Variants in TEKT3 observed in about 807,000 individuals in gnomAD.
TEKT3 encodes tektin-3.
A neutral mutation model predicts 49.8 loss-of-function variants in TEKT3; 49 were observed. The ratio of observed to expected loss-of-function variants is 0.98; its 90% CI spans 0.78 to 1.25. The LOEUF (loss-of-function observed/expected upper bound fraction) is 1.25, where lower values mean the gene tolerates loss of function less well. TEKT3 is among the 50% of genes most tolerant of loss of function. The pLI, the probability that TEKT3 is intolerant of heterozygous loss-of-function variation, is 0.00. For synonymous variants in TEKT3, 225 were observed against 237.2 expected, an observed-to-expected ratio of 0.95 and a Z score of 0.47; for missense variants, 595 against 629.5, an observed-to-expected ratio of 0.95 and a Z score of 0.59.
chr17:15,314,314 A>T (rs780547730), intron 5 of TEKT3, 84 bp from the exon 6 acceptor site: 1 of 1,547,178 alleles, frequency 6.5e-7, no homozygotes, highest in East Asian at 2.3e-5. Context: ...CCATATTGGG[A>T]CCTCTCTCAC....
intron 3 of TEKT3, among the ~76,000 whole-genome samples, 174 bp downstream of exon 3, chr17:15,330,833 T>G (rs117158527): frequency 4.0e-5 from 6 of 149,542 alleles, no homozygotes; most frequent in African/African-American, 1.2e-4. Flanking sequence ...ATAATGCATT[T>G]AAAAAAAAAA....
chr17:15,326,805 A>G (rs1429084423), intron 4 of TEKT3, among the ~76,000 whole-genome samples: 2 of 152,224 alleles, frequency 1.3e-5, no homozygotes, highest in African/African-American at 4.8e-5. Context: ...TTGAAATCTT[A>G]AGAAATGATA....
chr17:15,327,471 G>A (rs1181475306), intron 4 of TEKT3, among the ~76,000 whole-genome samples: 9 of 151,550 alleles, frequency 5.9e-5, no homozygotes, highest in Non-Finnish European at 8.8e-5. Flanking sequence ...AGCCGAGATT[G>A]TGCCATTGCA....
intron 5 of TEKT3, 150 bp from the exon 6 acceptor site, chr17:15,314,380 G>A (rs16951335): frequency 0.028 from 30,410 of 1,075,314 alleles, 1,070 homozygotes; most frequent in African/African-American, 0.15. Context: ...CAGTCAAAAC[G>A]AGCACTCTCT....
At chr17:15,328,964 A>C (rs909545362) in intron 3 of TEKT3, among the ~76,000 whole-genome samples, 1 of 152,200 alleles carries the variant, frequency 6.6e-6, no homozygotes, top group African/African-American at 2.4e-5. Context: ...CTTTAAGTGA[A>C]TCTCTAATTG....
chr17:15,323,767 G>A lies in TEKT3; in HGVS notation c.663+4225C>T, dbSNP rs115513117. Reference sequence around the variant, plus strand: ...CTACTTGAATTAACTGGCAATGACCGAAGCTCCTCCCTCAATTCATGAACC... The same window carrying A: ...CTACTTGAATTAACTGGCAATGACCAAAGCTCCTCCCTCAATTCATGAACC... On this transcript the variant is annotated intron_variant, in intron 4 of 8. Coordinates refer to ENST00000395930, the MANE Select transcript of TEKT3 (RefSeq NM_031898.3). Among the ~76,000 whole-genome samples, 89 of 152,232 alleles carry A rather than the reference G, an allele frequency of 5.8e-4. 1 individual carries two copies. Among genetic ancestry groups the A allele is most frequent in the African/African-American group, 2.1e-3 (89 of 41,542 alleles).
At chr17:15,316,826 A>C (rs540437350) in intron 5 of TEKT3, among the ~76,000 whole-genome samples, 1 of 152,330 alleles carries the variant, frequency 6.6e-6, no homozygotes, top group African/African-American at 2.4e-5. Context: ...GTAATATTGT[A>C]ACATGGGTGA....
At chr17:15,341,130 T>C (rs554377764) in intron 1 of TEKT3, among the ~76,000 whole-genome samples, 1 of 152,254 alleles carries the variant, frequency 6.6e-6, no homozygotes, top group Non-Finnish European at 1.5e-5. Flanking sequence ...GGCTCGGCTA[T>C]TGAAGCAGAG....
chr17:15,308,864 T>TC, intron 7 of TEKT3, 46 bp from the exon 8 acceptor site: 1 of 1,595,308 alleles, frequency 6.3e-7, no homozygotes, highest in Non-Finnish European at 8.6e-7. Context: ...TGTGGTCCCT[T>TC]CAACAACCCG....
chr17:15,334,473 T>G (rs1212442665), intron 2 of TEKT3, among the ~76,000 whole-genome samples: 2 of 152,224 alleles, frequency 1.3e-5, no homozygotes. Context: ...ATAGGCATCT[T>G]GAGACGTCTC....
At position 15,314,112 on chromosome 17, in the gene TEKT3, G is replaced by T. The variant is rs773797512; in HGVS notation, c.853C>A (p.Arg285Ser). ...RNTSDGVGYF[R>S]GVERVDATVS... ...GTTGCATCGACCCTCTCCACTCCGC[G>T]GAAGTAGCCGACACCGTCTGATGTG... is the stretch of plus-strand genomic sequence containing the variant. The change falls in exon 6 of 9, where the codon CGC becomes AGC. Residue 285 changes from arginine (R) to serine (S), a missense_variant. By Grantham distance (110) the Arg-to-Ser change is moderately radical (BLOSUM62 -1). Coordinates refer to ENST00000395930, the MANE Select transcript of TEKT3 (RefSeq NM_031898.3). The T allele has an allele frequency of 8.7e-6, 14 of 1,614,196 alleles. No individual in the cohort carries two copies. The highest frequency in any genetic ancestry group is 1.2e-5 in the Non-Finnish European group (14 of 1,180,046).
chr17:15,309,472 C>G (rs944046263), intron 7 of TEKT3, among the ~76,000 whole-genome samples: 45 of 152,188 alleles, frequency 3.0e-4, no homozygotes, highest in African/African-American at 1.1e-3. Context: ...GGTTCTCCCT[C>G]CTCTTTCTCT....
chr17:15,305,179 A>T (rs1910492734), intron 8 of TEKT3, among the ~76,000 whole-genome samples: 1 of 152,224 alleles, frequency 6.6e-6, no homozygotes, highest in Non-Finnish European at 1.5e-5. Flanking sequence ...GGCAATAAAA[A>T]GGAAGGAAAG....
chr17:15,312,267 A>C lies in TEKT3; in HGVS notation c.1093T>G (p.Leu365Val). Residue 365 changes from leucine to valine, a missense_variant, in exon 7 of 9, where the codon TTA becomes GTA. Leu to Val is a conservative substitution (Grantham distance 32). Coordinates refer to ENST00000395930, the MANE Select transcript of TEKT3 (RefSeq NM_031898.3). ...ADAKNKIQTH[L>V]AKTLQEIFQT... ...ACTGGCGGTTGATTTACCTTTGCTA[A>C]GTGCGTCTGAATCTTATTCTTAGCA... 6.2e-7 allele frequency: 1 copy of C among 1,614,186 alleles called. No individual in the cohort carries two copies. The highest frequency in any genetic ancestry group is 8.5e-7 in the Non-Finnish European group (1 of 1,180,030).
chr17:15,318,565 G>C (rs230890), intron 5 of TEKT3, among the ~76,000 whole-genome samples: 97,532 of 152,030 alleles, frequency 0.64, 31,571 homozygotes, highest in East Asian at 0.76. Context: ...GACAGAGTCT[G>C]TCTCTGTTGC....
intron 5 of TEKT3, among the ~76,000 whole-genome samples, chr17:15,317,977 CTTT>C (rs371718658): frequency 1.4e-4 from 19 of 137,520 alleles, no homozygotes; most frequent in South Asian, 4.5e-4. Context: ...GGTCGGATCT[CTTT>C]TTTTTTTTTT....
At position 15,312,240 on chromosome 17, in the gene TEKT3, C is replaced by A. The variant is rs1266490219; in HGVS notation, c.1101+19G>T. The A allele has an allele frequency of 5.0e-6, 8 of 1,611,572 alleles. No individual in the cohort carries two copies. The highest frequency in any genetic ancestry group is 6.8e-6 in the Non-Finnish European group (8 of 1,177,992). ...CTCTGTCCAGGTCAGCTAAGGGGTA[C>A]CACTGGCGGTTGATTTACCTTTGCT... On this transcript the variant is annotated intron_variant, in intron 7 of 8. Coordinates refer to ENST00000395930, the MANE Select transcript of TEKT3 (RefSeq NM_031898.3).
At chr17:15,339,080 A>T (rs544783159) in intron 2 of TEKT3, among the ~76,000 whole-genome samples, 10 of 152,306 alleles carry the variant, frequency 6.6e-5, no homozygotes, top group African/African-American at 2.4e-4. Flanking sequence ...ATTATGTTAT[A>T]AGGGGTCTGA....
chr17:15,332,372 T>A (rs1409774420), intron 2 of TEKT3, among the ~76,000 whole-genome samples: 1 of 152,182 alleles, frequency 6.6e-6, no homozygotes, highest in East Asian at 1.9e-4. Flanking sequence ...CACCTATTTA[T>A]TAGCTATGTG....
Sources: allele counts gnomAD v4.1 joint callset (sites outside exome capture counted in the v4.1 genomes callset), GRCh38; gene constraint gnomAD v4.1.1; transcripts MANE v1.5; gene names NCBI Gene and HGNC (gene_info 2026-07-23, HGNC 2026-07-21).